Variants in CNTN1 observed in about 807,000 individuals in gnomAD.
CNTN1 encodes contactin 1, also known as contactin-1.
A neutral mutation model predicts 126.4 loss-of-function variants in CNTN1; 38 were observed. The observed-to-expected ratio is 0.30, with a 90% CI of 0.23 to 0.39. The LOEUF (loss-of-function observed/expected upper bound fraction) is 0.39, where lower values mean the gene tolerates loss of function less well. Among genes scored for constraint, CNTN1 ranks in the 10% least tolerant of loss-of-function variants. The pLI is 1.00. For missense variants in CNTN1, 1,009 were observed against 1,248.4 expected, an observed-to-expected ratio of 0.81 and a Z score of 2.89; for synonymous variants, 413 against 422.6, an observed-to-expected ratio of 0.98 and a Z score of 0.28.
Position 41,027,937 on chromosome 12 carries a change from C to T in CNTN1, c.2791C>T (p.Leu931=), listed in dbSNP as rs1346718226. The T allele has an allele frequency of 6.2e-7, 1 of 1,610,608 alleles. No individual in the cohort carries two copies. The highest frequency in any genetic ancestry group is 2.2e-5 in the East Asian group (1 of 44,840). ...YIITWDHVVA[L]SNESTVTGYK... ...AATCACCTGGGATCATGTCGTTGCA[C>T]TATCAAATGAATCTACAGTGACGGG... Residue 931 remains leucine (L), a synonymous_variant, in exon 22 of 24, where the codon CTA becomes TTA. Transcript: ENST00000551295.
intron 1 of CNTN1, among the ~76,000 whole-genome samples, chr12:40,905,849 A>C (rs1944789347): frequency 6.6e-6 from 1 of 152,230 alleles, no homozygotes; most frequent in African/African-American, 2.4e-5. Flanking sequence ...CAAAGTTTAG[A>C]TAGGCATAAC....
intron 1 of CNTN1, among the ~76,000 whole-genome samples, chr12:40,725,384 A>G (rs1942323940): frequency 6.7e-6 from 1 of 149,952 alleles, no homozygotes; most frequent in Admixed American, 6.7e-5. Context: ...CTGGGCAACA[A>G]AAGTGAAACT....
intron 1 of CNTN1, among the ~76,000 whole-genome samples, chr12:40,703,747 G>A (rs1388352057): frequency 6.6e-6 from 1 of 151,854 alleles, no homozygotes; most frequent in Admixed American, 6.6e-5. Flanking sequence ...ATGGAAAGAA[G>A]TGACGTGAAT....
intron 1 of CNTN1, among the ~76,000 whole-genome samples, chr12:40,703,770 T>C (rs1941661411): frequency 7.4e-6 from 1 of 134,718 alleles, no homozygotes. Flanking sequence ...TATTTCCTTC[T>C]TTCCTTCATT....
intron 1 of CNTN1, among the ~76,000 whole-genome samples, chr12:40,790,460 T>A (rs1940177690): frequency 6.6e-6 from 1 of 152,102 alleles, no homozygotes; most frequent in Non-Finnish European, 1.5e-5. Context: ...CTATGGAGAA[T>A]TTAAATGAAT....
chr12:40,795,274 T>TAC (rs71078269), intron 1 of CNTN1, among the ~76,000 whole-genome samples: 41 of 124,180 alleles, frequency 3.3e-4, no homozygotes, highest in African/African-American at 1.1e-3. Flanking sequence ...TCTACATGTA[T>TAC]ACACACACAC....
At chr12:40,737,607 G>T (rs927434171) in intron 1 of CNTN1, among the ~76,000 whole-genome samples, 4 of 151,682 alleles carry the variant, frequency 2.6e-5, no homozygotes, top group Non-Finnish European at 5.9e-5. Context: ...CAGCTGAGTA[G>T]ATTGCACCCA....
rs751205601 is a variant in CNTN1 at position 40,922,293 on chromosome 12, G to A, written c.265G>A (p.Asp89Asn). ...MNNGDVDLTS[D>N]RYSMVGGNLV... ...TAATGGGGACGTTGATCTCACAAGT[G>A]ATCGATACAGTATGGTAGGAGGAAA... Residue 89 changes from aspartate to asparagine, a missense_variant, in exon 5 of 24, where the codon GAT (aspartate) becomes AAT (asparagine). Transcript: ENST00000551295. 18 of 1,613,854 alleles carry A rather than the reference G, an allele frequency of 1.1e-5. No homozygotes were observed. The highest frequency in any genetic ancestry group is 1.5e-5 in the Non-Finnish European group (18 of 1,179,912).
At chr12:40,902,194 C>T (rs1944632977) in intron 1 of CNTN1, among the ~76,000 whole-genome samples, 1 of 152,176 alleles carries the variant, frequency 6.6e-6, no homozygotes, top group African/African-American at 2.4e-5. Flanking sequence ...TTTACATCCA[C>T]ACACACATAT....
At chr12:40,950,986 T>C (rs952191249) in intron 14 of CNTN1, among the ~76,000 whole-genome samples, 1 of 151,914 alleles carries the variant, frequency 6.6e-6, no homozygotes, top group South Asian at 2.1e-4. Flanking sequence ...ATATAAAATG[T>C]CCATTCTGAT....
rs982239332 is a variant in CNTN1, at chr12:41,070,942, A to G, written c.*907A>G. Reference sequence around the variant, plus strand: ...GTCTTTACATGGTTAGGAATAAGTGACAGTTAAGTGAATATCACAATTACT... The same window carrying G: ...GTCTTTACATGGTTAGGAATAAGTGGCAGTTAAGTGAATATCACAATTACT... On this transcript the variant is annotated 3_prime_UTR_variant, in exon 24 of 24. Transcript: ENST00000551295. 16 of 152,198 alleles carry G rather than the reference A, an allele frequency of 1.1e-4. No individual in the cohort carries two copies. In the East Asian group the frequency reaches 3.1e-3, roughly 29 times the overall value. 9.4% of individuals were successfully genotyped at this position (152,198 alleles called of 1,614,324 possible). A position where few individuals can be genotyped will look rare whatever the true frequency, so the allele number is the denominator to read the frequency against.
At chr12:40,788,267 C>T (rs1940099876) in intron 1 of CNTN1, among the ~76,000 whole-genome samples, 1 of 152,074 alleles carries the variant, frequency 6.6e-6, no homozygotes, top group Non-Finnish European at 1.5e-5. Flanking sequence ...AAAATAGTTC[C>T]CAGCACATTC....
intron 1 of CNTN1, among the ~76,000 whole-genome samples, chr12:40,899,405 C>T (rs911964188): frequency 1.3e-5 from 2 of 152,094 alleles, no homozygotes; most frequent in Admixed American, 6.6e-5. Flanking sequence ...TTAGTCAAAG[C>T]AATACATCAG....
intron 17 of CNTN1, among the ~76,000 whole-genome samples, chr12:41,002,411 T>C (rs1948383780): frequency 6.6e-6 from 1 of 152,170 alleles, no homozygotes; most frequent in African/African-American, 2.4e-5. Flanking sequence ...ATAAATTGGA[T>C]TGCATTCCTC....
chr12:40,977,161 G>T (rs190572496), intron 15 of CNTN1, among the ~76,000 whole-genome samples: 2 of 152,172 alleles, frequency 1.3e-5, no homozygotes, highest in East Asian at 1.9e-4. Flanking sequence ...AAAATGGGGG[G>T]CTTCCAGATC....
At chr12:40,860,245 A>G (rs1485984183) in intron 1 of CNTN1, among the ~76,000 whole-genome samples, 1 of 152,166 alleles carries the variant, frequency 6.6e-6, no homozygotes. Flanking sequence ...TAGTTTGTGA[A>G]AAATTTCCTG....
At chr12:41,037,913 T>C (rs1042596712) in intron 23 of CNTN1, among the ~76,000 whole-genome samples, 1 of 152,180 alleles carries the variant, frequency 6.6e-6, no homozygotes, top group Non-Finnish European at 1.5e-5. Flanking sequence ...GTCCCAGCAC[T>C]TTGGGAGGCC....
chr12:41,051,886 C>T (rs1010365941), intron 23 of CNTN1, among the ~76,000 whole-genome samples: 2 of 132,882 alleles, frequency 1.5e-5, no homozygotes, highest in Non-Finnish European at 3.2e-5. Flanking sequence ...AACATCCACC[C>T]CACACAAACA....
At chr12:40,696,051 G>C (rs1941444006) in intron 1 of CNTN1, among the ~76,000 whole-genome samples, 1 of 152,226 alleles carries the variant, frequency 6.6e-6, no homozygotes. Context: ...ACTTACGTGA[G>C]AGGATTTTGT....
Sources: gnomAD v4.1 joint callset for allele counts (sites outside exome capture counted in the v4.1 genomes callset) on GRCh38, gnomAD v4.1.1 for gene constraint, MANE v1.5 for transcripts, NCBI Gene and HGNC (gene_info 2026-07-23, HGNC 2026-07-21) for gene names.